SV2B: variants seen among roughly 807,000 people sequenced by gnomAD.
SV2B encodes the protein synaptic vesicle glycoprotein 2B, also known as solute carrier family 22 member B2.
SV2B carries 41 observed loss-of-function variants against 73.9 expected under a neutral mutation model. The ratio of observed to expected loss-of-function variants is 0.56; its 90% CI spans 0.43 to 0.72. The LOEUF (loss-of-function observed/expected upper bound fraction) is 0.72. Ranked by LOEUF, SV2B falls within the 30% of genes least tolerant of loss-of-function variation. The pLI is 0.00. For synonymous variants in SV2B, 314 were observed against 314.2 expected, an observed-to-expected ratio of 1.00 and a Z score of 0.01; for missense variants, 764 against 857.8, an observed-to-expected ratio of 0.89 and a Z score of 1.37.
Position 91,239,568 on chromosome 15 carries a change from C to G in SV2B, c.452-12251C>G, listed in dbSNP as rs1264002388. 1.3e-5 allele frequency among the ~76,000 whole-genome samples: 2 copies of G among 152,158 alleles called. No individual in the cohort carries two copies. Among genetic ancestry groups the G allele is most frequent in the Non-Finnish European group, 1.5e-5 (1 of 68,018 alleles). On this transcript the variant is annotated intron_variant, in intron 2 of 12. Transcript: ENST00000394232. This position sits in a 1 kb window ranked among gnomAD's most constrained non-coding sequence, Gnocchi z 5.1. ...TACTCTCAGACCAGAATCTGGGACT[C>G]CTGACTATTGGCACAGAATTCTTCC...
chr15:91,228,734 G>A (rs1172496904), intron 2 of SV2B, among the ~76,000 whole-genome samples: 2 of 152,210 alleles, frequency 1.3e-5, no homozygotes, highest in Non-Finnish European at 2.9e-5. Flanking sequence ...AAGATGCAGT[G>A]ACTCCACCCA....
intron 1 of SV2B, among the ~76,000 whole-genome samples, chr15:91,189,820 C>T (rs892597922): frequency 7.2e-5 from 11 of 152,280 alleles, no homozygotes; most frequent in African/African-American, 2.6e-4. Flanking sequence ...AACACTATCT[C>T]TACTAAAAAT....
intron 6 of SV2B, among the ~76,000 whole-genome samples, chr15:91,266,034 T>A (rs2048088289): frequency 6.6e-6 from 1 of 152,126 alleles, no homozygotes; most frequent in Non-Finnish European, 1.5e-5. Context: ...TCCCAGCTAC[T>A]CGGGAGGCTG....
intron 1 of SV2B, among the ~76,000 whole-genome samples, chr15:91,208,367 A>G (rs1414076401): frequency 6.6e-6 from 1 of 152,206 alleles, no homozygotes; most frequent in Non-Finnish European, 1.5e-5. Flanking sequence ...TGAAGAGAAA[A>G]GTGTTTTCCC....
chr15:91,102,818 G>C (rs1429640888), intron 1 of SV2B, among the ~76,000 whole-genome samples: 1 of 152,172 alleles, frequency 6.6e-6, no homozygotes, highest in African/African-American at 2.4e-5. Context: ...CAGACATCTG[G>C]GGAAGTGAGG....
In SV2B at chr15:91,182,188, A is replaced by C. The variant is rs548094485; in HGVS notation, c.-391-43685A>C. On this transcript the variant is annotated intron_variant, in intron 1 of 12. Coordinates refer to ENST00000394232, the MANE Select transcript of SV2B (RefSeq NM_001323032.3). ...GAAACAGAAGAGAAATGCTTTTCCTATGATTAATTTAAATCAAGGATCAGT... is the reference window on the plus strand; with the variant it reads ...GAAACAGAAGAGAAATGCTTTTCCTCTGATTAATTTAAATCAAGGATCAGT... 2.0e-5 allele frequency among the ~76,000 whole-genome samples: 3 copies of C among 152,176 alleles called. No individual in the cohort carries two copies. In the South Asian group the frequency reaches 6.2e-4, roughly 32 times the overall value.
intron 1 of SV2B, among the ~76,000 whole-genome samples, chr15:91,174,889 C>T (rs555887020): frequency 6.6e-6 from 1 of 152,124 alleles, no homozygotes; most frequent in Non-Finnish European, 1.5e-5. Context: ...GCTCAGACCC[C>T]GTCGTCTTGG....
intron 2 of SV2B, among the ~76,000 whole-genome samples, chr15:91,243,729 A>G (rs1641628194): frequency 6.6e-6 from 1 of 152,160 alleles, no homozygotes; most frequent in Non-Finnish European, 1.5e-5. Context: ...TTTCCCCTGT[A>G]TATGGTTGGA....
At chr15:91,196,084 A>T (rs1259149657) in intron 1 of SV2B, among the ~76,000 whole-genome samples, 1 of 152,244 alleles carries the variant, frequency 6.6e-6, no homozygotes, top group Non-Finnish European at 1.5e-5. Flanking sequence ...TTGGCTGCTA[A>T]AAGAGTCTTC....
rs1479062593 is a variant in SV2B, at chr15:91,267,186, T to A, written c.1120-369T>A. 6.6e-6 allele frequency among the ~76,000 whole-genome samples: 1 copy of A among 152,216 alleles called. No homozygotes were observed. Among genetic ancestry groups the A allele is most frequent in the African/African-American group, 2.4e-5 (1 of 41,462 alleles). On this transcript the variant is annotated intron_variant, in intron 7 of 12. Coordinates refer to ENST00000394232, the MANE Select transcript of SV2B (RefSeq NM_001323032.3). This position sits in a 1 kb window ranked among gnomAD's most constrained non-coding sequence, Gnocchi z 4.3. ...CAGCGTCTATTGGGACTGGTTGGCCTTCATGGTGTATGGTCAGTAAATGTT... is the reference window on the plus strand; with the variant it reads ...CAGCGTCTATTGGGACTGGTTGGCCATCATGGTGTATGGTCAGTAAATGTT...
rs570989034 is a variant in SV2B at position 91,211,442 on chromosome 15, C to T, written c.-391-14431C>T. Among the ~76,000 whole-genome samples, 4 of 151,902 alleles carry T rather than the reference C, an allele frequency of 2.6e-5. No homozygotes were observed. In the South Asian group the frequency reaches 8.3e-4, roughly 32 times the overall value. On this transcript the variant is annotated intron_variant, in intron 1 of 12. Coordinates refer to ENST00000394232, the MANE Select transcript of SV2B (RefSeq NM_001323032.3). Reference sequence around the variant, plus strand: ...GGCTTAAACTCTTCTTCTTCTCCTTCTTCTTCCATCTTCTTCCTCCTCTTC... The same window carrying T: ...GGCTTAAACTCTTCTTCTTCTCCTTTTTCTTCCATCTTCTTCCTCCTCTTC...
chr15:91,160,069 A>G (rs1567301912), intron 1 of SV2B, among the ~76,000 whole-genome samples: 1 of 152,224 alleles, frequency 6.6e-6, no homozygotes, highest in African/African-American at 2.4e-5. Context: ...AATGTTCCCA[A>G]AGTAATATAT....
Position 91,293,249 on chromosome 15 carries a change from T to C in SV2B, c.*697T>C, listed in dbSNP as rs1246545749. The C allele has an allele frequency of 1.3e-5, 2 of 152,256 alleles. No homozygotes were observed. The highest frequency in any genetic ancestry group is 4.8e-5 in the African/African-American group (2 of 41,472). 9.4% of individuals were successfully genotyped at this position (152,256 alleles called of 1,614,324 possible). On this transcript the variant is annotated 3_prime_UTR_variant, in exon 13 of 13. Coordinates refer to ENST00000394232, the MANE Select transcript of SV2B (RefSeq NM_001323032.3). ...GGAATGGGATAGTTATTCTGTAAACTAAGTTTGTATATAACTTTATTTGGG... is the reference window on the plus strand; with the variant it reads ...GGAATGGGATAGTTATTCTGTAAACCAAGTTTGTATATAACTTTATTTGGG...
chr15:91,133,426 C>T (rs989388647), intron 1 of SV2B, among the ~76,000 whole-genome samples: 2 of 151,596 alleles, frequency 1.3e-5, no homozygotes, highest in African/African-American at 4.9e-5. Context: ...TTGAGGTTCT[C>T]TGCTCAAATG....
At chr15:91,279,380 T>C (rs902618870) in intron 9 of SV2B, among the ~76,000 whole-genome samples, 3 of 152,262 alleles carry the variant, frequency 2.0e-5, no homozygotes, top group Non-Finnish European at 4.4e-5. Context: ...ATGACAATTT[T>C]GTCATGGACC....
intron 2 of SV2B, among the ~76,000 whole-genome samples, chr15:91,235,582 G>C (rs189738120): frequency 1.1e-4 from 16 of 152,176 alleles, no homozygotes; most frequent in Admixed American, 9.8e-4. Flanking sequence ...AGAAGTTCTT[G>C]CACACAAAAC....
At chr15:91,167,393 A>G (rs943136320) in intron 1 of SV2B, among the ~76,000 whole-genome samples, 1 of 152,148 alleles carries the variant, frequency 6.6e-6, no homozygotes, top group African/African-American at 2.4e-5. Context: ...TATTCTTATA[A>G]TTTTGATCAG....
intron 1 of SV2B, among the ~76,000 whole-genome samples, chr15:91,120,270 C>T (rs1474008478): frequency 2.6e-5 from 4 of 152,154 alleles, no homozygotes; most frequent in African/African-American, 7.2e-5. Context: ...GAAGCAAGCA[C>T]CTTCTTCCCA....
intron 1 of SV2B, among the ~76,000 whole-genome samples, chr15:91,210,938 C>T (rs1485722437): frequency 1.3e-5 from 2 of 152,204 alleles, no homozygotes; most frequent in African/African-American, 2.4e-5. Context: ...GTGCTCCCAG[C>T]GCCTGGCATA....
Sources: allele counts gnomAD v4.1 joint callset (sites outside exome capture counted in the v4.1 genomes callset), GRCh38; gene constraint gnomAD v4.1.1; non-coding constraint Gnocchi (gnomAD v3.1); transcripts MANE v1.5; gene names NCBI Gene and HGNC (gene_info 2026-07-23, HGNC 2026-07-21).